Variants in SLC38A3 observed in about 807,000 individuals in gnomAD.
SLC38A3 encodes solute carrier family 38 member 3.
In SLC38A3, 17 loss-of-function variants were observed where a neutral mutation model predicts 59.5. The ratio of observed to expected loss-of-function variants is 0.29; its 90% confidence interval spans 0.20 to 0.43. The LOEUF is 0.43. SLC38A3 is among the 20% of genes least tolerant of loss of function. The pLI, the probability that SLC38A3 is intolerant of heterozygous loss-of-function variation, is 1.00. For missense variants in SLC38A3, 454 were observed against 653.9 expected (o/e 0.69, Z 3.33); for synonymous variants, 238 against 260.3 (o/e 0.91, Z 0.82).
chr3:50,216,295 C>T (rs1403772503), intron 7 of SLC38A3, among the ~76,000 whole-genome samples: 2 of 152,222 alleles, frequency 1.3e-5, no homozygotes, highest in African/African-American at 4.8e-5. Flanking sequence ...ACAGCCCAGC[C>T]CGAGCAAGCA....
chr3:50,220,137 A>T lies in SLC38A3; in HGVS notation c.1475A>T (p.Asp492Val), dbSNP rs1220782320. The T allele has an allele frequency of 6.2e-7, 1 of 1,602,366 alleles. No individual in the cohort carries two copies. Among genetic ancestry groups the T allele is most frequent in the African/African-American group, 1.3e-5 (1 of 74,718 alleles). ...MTMSLSFIII[D>V]WASGTSRHGG... ...ATGAGCTTGAGCTTCATCATCATTG[A>T]CTGGGCCTCAGGGACCAGCCGGCAT... The change falls in exon 16 of 16, where the codon GAC (aspartate) becomes GTC (valine). Residue 492 changes from aspartate (D) to valine (V), a missense_variant. Asp to Val is a radical substitution (Grantham distance 152, BLOSUM62 -3). Transcript: ENST00000614032.
intron 1 of SLC38A3, among the ~76,000 whole-genome samples, chr3:50,209,379 T>A (rs1026760952): frequency 6.6e-6 from 1 of 152,310 alleles, no homozygotes; most frequent in East Asian, 1.9e-4. Context: ...CCGGGCGCAG[T>A]GGCTCAAGCC....
At chr3:50,211,541 C>T (rs556713558) in intron 1 of SLC38A3, among the ~76,000 whole-genome samples, 141 of 149,596 alleles carry the variant, frequency 9.4e-4, no homozygotes, top group Non-Finnish European at 1.5e-3. Context: ...GCACCTCCTC[C>T]AGGAAGTCTT....
At chr3:50,206,299 C>T (rs1226376439) in intron 1 of SLC38A3, among the ~76,000 whole-genome samples, 2 of 152,280 alleles carry the variant, frequency 1.3e-5, no homozygotes, top group Admixed American at 6.5e-5. Flanking sequence ...CTCTTGAGCC[C>T]TGAGGAACAC....
intron 1 of SLC38A3, among the ~76,000 whole-genome samples, chr3:50,212,837 C>G (rs575903586): frequency 3.3e-5 from 5 of 152,256 alleles, no homozygotes; most frequent in African/African-American, 1.2e-4. Flanking sequence ...CATCAGGGGC[C>G]GGAGTGGGGA....
In SLC38A3 at chr3:50,215,833, C is replaced by CGTGGG. The variant is rs1559754944; in HGVS notation, c.548+14_548+18dup. 1 of 1,198,688 alleles carries CGTGGG rather than the reference C, an allele frequency of 8.3e-7. No homozygotes were observed. Among genetic ancestry groups the CGTGGG allele is most frequent in the South Asian group, 1.3e-5 (1 of 75,100 alleles). 74.3% of individuals were successfully genotyped at this position (1,198,688 alleles called of 1,614,324 possible). On this transcript the variant is annotated intron_variant, in intron 7 of 15. Transcript: ENST00000614032. The surrounding 1 kb of genome is among the most constrained non-coding windows in gnomAD (Gnocchi z 7.1). ...GAGGAGAAAACCTCGTGAGCCCTGG[C>CGTGGG]GTGGGGAGGGGAGGGGAGGGGTGCG...
intron 7 of SLC38A3, among the ~76,000 whole-genome samples, chr3:50,216,393 C>T (rs937421042): frequency 2.0e-5 from 3 of 152,242 alleles, no homozygotes; most frequent in African/African-American, 7.2e-5. Context: ...AAGGAGTTGG[C>T]CTCAGGGCTT....
chr3:50,213,904 G>A (rs969229724), intron 1 of SLC38A3, among the ~76,000 whole-genome samples: 2 of 152,184 alleles, frequency 1.3e-5, no homozygotes, highest in African/African-American at 2.4e-5. Context: ...TTGCCTGGAC[G>A]GGTGTGCATG....
Position 50,220,559 on chromosome 3 carries a change from C to A in SLC38A3, c.*382C>A, listed in dbSNP as rs587713648. The A allele has an allele frequency of 2.9e-5, 7 of 243,660 alleles. No individual in the cohort carries two copies. Among genetic ancestry groups the A allele is most frequent in the African/African-American group, 6.6e-5 (3 of 45,410 alleles). The allele number at this position is 243,660 out of a possible 1,614,324, so 15.1% of individuals were successfully genotyped here. On this transcript the variant is annotated 3_prime_UTR_variant, in exon 16 of 16. Transcript: ENST00000614032. ...GGATCAGCCTGCAGCCATCCCCCGA[C>A]CCTGCTGCTAGGCCACGGTCTGCGC...
chr3:50,217,965 G>A lies in SLC38A3; in HGVS notation c.904G>A (p.Glu302Lys). 1.9e-6 allele frequency: 3 copies of A among 1,613,994 alleles called. No homozygotes were observed. Among genetic ancestry groups the A allele is most frequent in the Non-Finnish European group, 2.5e-6 (3 of 1,179,900 alleles). The part of the protein sequence containing the change: ...IMAFAFVCHP[E>K]VLPIYTELKD... Reference sequence around the variant, plus strand: ...GGCCTTCGCCTTCGTCTGCCACCCCGAGGTGCTGCCCATCTATACTGAGCT... The same window carrying A: ...GGCCTTCGCCTTCGTCTGCCACCCCAAGGTGCTGCCCATCTATACTGAGCT... The change falls in exon 11 of 16, where the codon GAG (glutamate) becomes AAG (lysine). Residue 302 changes from glutamate (E) to lysine (K), a missense_variant. Transcript: ENST00000614032. This position sits in a 1 kb window ranked among gnomAD's most constrained non-coding sequence, Gnocchi z 4.9.
At position 50,214,029 on chromosome 3, in the gene SLC38A3, A is replaced by G; in HGVS notation, c.-51-120A>G. Reference sequence around the variant, plus strand: ...CCAGGGAGGCAGTAGGCAGAGCTGCATGTGTGGATATGCCCCGAGTGACCA... The same window carrying G: ...CCAGGGAGGCAGTAGGCAGAGCTGCGTGTGTGGATATGCCCCGAGTGACCA... On this transcript the variant is annotated intron_variant, in intron 1 of 15. Coordinates refer to ENST00000614032, the MANE Select transcript of SLC38A3 (RefSeq NM_006841.6). This position sits in a 1 kb window ranked among gnomAD's most constrained non-coding sequence, Gnocchi z 6.0. 1.6e-6 allele frequency: 1 copy of G among 624,530 alleles called. No homozygotes were observed. The highest frequency in any genetic ancestry group is 2.8e-6 in the Non-Finnish European group (1 of 350,936). 38.7% of individuals were successfully genotyped at this position (624,530 alleles called of 1,614,324 possible).
chr3:50,216,117 G>A, intron 7 of SLC38A3, among the ~76,000 whole-genome samples: 1 of 152,240 alleles, frequency 6.6e-6, no homozygotes, highest in East Asian at 1.9e-4. Flanking sequence ...GTGAGCGTGG[G>A]AGGCTCAGGC....
chr3:50,218,704 T>C lies in SLC38A3; in HGVS notation c.1148T>C (p.Ile383Thr). The C allele has an allele frequency of 6.2e-7, 1 of 1,609,520 alleles. No individual in the cohort carries two copies. The highest frequency in any genetic ancestry group is 8.5e-7 in the Non-Finnish European group (1 of 1,176,146). Residue 383 changes from isoleucine to threonine, a missense_variant, in exon 13 of 16, where the codon ATC (isoleucine) becomes ACC (threonine). This residue lies in a region of SLC38A3 where 390 missense variants were observed against 557.9 expected (regional missense o/e 0.70). Transcript: ENST00000614032. The surrounding 1 kb of genome is among the most constrained non-coding windows in gnomAD (Gnocchi z 5.8). ...ACAGCAGTCACGCTCACAGTGCCCATCGTTCTGTTCCCGGTGAGCTGGTGG... is the reference window on the plus strand; with the variant it reads ...ACAGCAGTCACGCTCACAGTGCCCACCGTTCTGTTCCCGGTGAGCTGGTGG... ...VLTAVTLTVP[I>T]VLFPVRRAIQ...
Position 50,217,119 on chromosome 3 carries a change from G to C in SLC38A3, c.549-119G>C. The C allele has an allele frequency of 1.4e-6, 1 of 713,304 alleles. No individual in the cohort carries two copies. Among genetic ancestry groups the C allele is most frequent in the Non-Finnish European group, 2.5e-6 (1 of 400,808 alleles). The allele number at this position is 713,304 out of a possible 1,614,324, so 44.2% of individuals were successfully genotyped here. On this transcript the variant is annotated intron_variant, in intron 7 of 15. Coordinates refer to ENST00000614032, the MANE Select transcript of SLC38A3 (RefSeq NM_006841.6). The surrounding 1 kb of genome is among the most constrained non-coding windows in gnomAD (Gnocchi z 4.9). ...GGGGAAAGTGAGACTCAGAGCTGTGGACAAACATTCTTCAGATGTCACTCA... is the reference window on the plus strand; with the variant it reads ...GGGGAAAGTGAGACTCAGAGCTGTGCACAAACATTCTTCAGATGTCACTCA...
At chr3:50,207,078 A>C (rs751746518) in intron 1 of SLC38A3, among the ~76,000 whole-genome samples, 33 of 152,252 alleles carry the variant, frequency 2.2e-4, no homozygotes, top group South Asian at 1.0e-3. Context: ...ACAAGCATCC[A>C]GTTTGAGAGG....
chr3:50,220,153 C>A lies in SLC38A3; in HGVS notation c.1491C>A (p.Thr497=). 1 of 1,597,816 alleles carries A rather than the reference C, an allele frequency of 6.3e-7. No homozygotes were observed. The highest frequency in any genetic ancestry group is 8.5e-7 in the Non-Finnish European group (1 of 1,171,136). Residue 497 remains threonine, a synonymous_variant, in exon 16 of 16, where the codon ACC becomes ACA. Transcript: ENST00000614032. The part of the protein sequence containing the change: ...SFIIIDWASG[T]SRHGGNH ...TCATCATTGACTGGGCCTCAGGGAC[C>A]AGCCGGCATGGAGGAAACCACTAGG...
rs1699787837 is a variant in SLC38A3 at position 50,214,512 on chromosome 3, G to A, written c.183+29G>A. ...AGCAGGGCAGCAACGGGTTTTAGGG[G>A]ACACTGTGGGGAGCTTGGATGCAGT... On this transcript the variant is annotated intron_variant, in intron 3 of 15. Transcript: ENST00000614032. This position sits in a 1 kb window ranked among gnomAD's most constrained non-coding sequence, Gnocchi z 6.0. 1 of 1,544,354 alleles carries A rather than the reference G, an allele frequency of 6.5e-7. No individual in the cohort carries two copies. Among genetic ancestry groups the A allele is most frequent in the Non-Finnish European group, 8.8e-7 (1 of 1,139,044 alleles).
chr3:50,213,463 G>A (rs376856952), intron 1 of SLC38A3, among the ~76,000 whole-genome samples: 10 of 152,244 alleles, frequency 6.6e-5, no homozygotes, highest in Non-Finnish European at 1.2e-4. Flanking sequence ...GCAGCCAGGC[G>A]GGAAGGGCCC....
Position 50,215,082 on chromosome 3 carries a change from G to A in SLC38A3, c.300-304G>A, listed in dbSNP as rs1225835893. ...CACGTGTCCTTTGGCTGGGGGCTCT[G>A]CCCTGAAGCCAGAATGGAAAACATG... On this transcript the variant is annotated intron_variant, in intron 4 of 15. Transcript: ENST00000614032. This position sits in a 1 kb window ranked among gnomAD's most constrained non-coding sequence, Gnocchi z 7.1. 6.6e-6 allele frequency among the ~76,000 whole-genome samples: 1 copy of A among 152,260 alleles called. No homozygotes were observed. Among genetic ancestry groups the A allele is most frequent in the Non-Finnish European group, 1.5e-5 (1 of 68,048 alleles).
Sources: allele counts gnomAD v4.1 joint callset (sites outside exome capture counted in the v4.1 genomes callset), GRCh38; gene constraint gnomAD v4.1.1; regional missense constraint gnomAD v4.1.1; non-coding constraint Gnocchi (gnomAD v3.1); transcripts MANE v1.5; gene names NCBI Gene and HGNC (gene_info 2026-07-23, HGNC 2026-07-21).